The following BCL2 variants were observed in gnomAD, a reference collection of about 807,000 sequenced individuals.
BCL2 encodes apoptosis regulator Bcl-2.
A neutral mutation model predicts 14.2 loss-of-function variants in BCL2; 1 was observed. The observed-to-expected ratio is 0.07, with a 90% CI of 0.02 to 0.33. BCL2 has a LOEUF of 0.33. Ranked by LOEUF, BCL2 falls within the 10% of genes least tolerant of loss-of-function variation. The probability of loss-of-function intolerance (pLI) is 0.99; values close to 1 mark genes in which losing one functional copy is unlikely to be tolerated. For synonymous variants in BCL2, 151 were observed against 137.2 expected, an observed-to-expected ratio of 1.10 and a Z score of -0.70; for missense variants, 247 against 305.9, an observed-to-expected ratio of 0.81 and a Z score of 1.44.
chr18:63,162,627 T>G (rs1174451281), intron 2 of BCL2, among the ~76,000 whole-genome samples: 4 of 152,096 alleles, frequency 2.6e-5, no homozygotes, highest in African/African-American at 9.7e-5. Flanking sequence ...ATTTGCCTGC[T>G]TTGTGAAGAC....
At position 63,126,262 on chromosome 18, in the gene BCL2, G is replaced by GT. The variant is rs776245002; in HGVS notation, c.*2362dup. 62 of 220,148 alleles carry GT rather than the reference G, an allele frequency of 2.8e-4. No homozygotes were observed. Among genetic ancestry groups the GT allele is most frequent in the Non-Finnish European group, 4.5e-4 (49 of 109,440 alleles). 13.6% of individuals were successfully genotyped at this position (220,148 alleles called of 1,614,324 possible). A position where few individuals can be genotyped will look rare whatever the true frequency, so the allele number is the denominator to read the frequency against. ...AGGTTTCCTGCTTTCTTGGTGGAGC[G>GT]TAAGCACCACTGCATTTCAGGAAGA... On this transcript the variant is annotated 3_prime_UTR_variant, in exon 3 of 3. Transcript: ENST00000333681.
chr18:63,208,604 G>A lies in BCL2; in HGVS notation c.586-79845C>T, dbSNP rs188566473. Among the ~76,000 whole-genome samples, 24 of 152,226 alleles carry A rather than the reference G, an allele frequency of 1.6e-4. 1 individual carries two copies. The East Asian group carries it at 4.4e-3, about 28-fold the overall frequency. On this transcript the variant is annotated intron_variant, in intron 2 of 2. Transcript: ENST00000333681. ...GGATGGTGTATCTGGGGGCTGGGGG[G>A]AGTGGGGTACAGTGTATTGGGTTGA...
intron 2 of BCL2, among the ~76,000 whole-genome samples, chr18:63,154,411 C>T (rs937908416): frequency 2.6e-5 from 4 of 152,128 alleles, no homozygotes; most frequent in Non-Finnish European, 4.4e-5. Context: ...AAAGCAGTTG[C>T]GTCCCTCTCT....
chr18:63,312,027 G>C (rs942120630), intron 2 of BCL2, among the ~76,000 whole-genome samples: 3 of 152,184 alleles, frequency 2.0e-5, no homozygotes, highest in African/African-American at 7.2e-5. Context: ...CTCTGCACAG[G>C]TTAAAGTTTA....
At chr18:63,276,959 G>A (rs1599285666) in intron 2 of BCL2, among the ~76,000 whole-genome samples, 1 of 152,198 alleles carries the variant, frequency 6.6e-6, no homozygotes, top group Non-Finnish European at 1.5e-5. Context: ...TGAAAAGGGT[G>A]TTACTAAATA....
intron 2 of BCL2, chr18:63,317,648 G>A: frequency 6.8e-6 from 7 of 1,023,036 alleles, no homozygotes; most frequent in Non-Finnish European, 8.2e-6. Context: ...TGTTTCAGGG[G>A]AGCTTGTTTG....
At chr18:63,196,399 A>G (rs1458044047) in intron 2 of BCL2, among the ~76,000 whole-genome samples, 1 of 152,186 alleles carries the variant, frequency 6.6e-6, no homozygotes, top group Admixed American at 6.5e-5. Context: ...CATCAATACT[A>G]ATTAAGTATT....
At chr18:63,220,536 C>T (rs1242124821) in intron 2 of BCL2, among the ~76,000 whole-genome samples, 1 of 152,188 alleles carries the variant, frequency 6.6e-6, no homozygotes, top group Non-Finnish European at 1.5e-5. Context: ...CATATTTCCT[C>T]TAGGTTTTTC....
At chr18:63,157,532 C>T (rs979564295) in intron 2 of BCL2, among the ~76,000 whole-genome samples, 2 of 152,240 alleles carry the variant, frequency 1.3e-5, no homozygotes, top group Admixed American at 6.5e-5. Context: ...TGAAAATTAG[C>T]GTTCGCTGTT....
intron 2 of BCL2, among the ~76,000 whole-genome samples, chr18:63,293,529 G>A (rs983703941): frequency 6.6e-6 from 1 of 152,198 alleles, no homozygotes; most frequent in South Asian, 2.1e-4. Context: ...TTGTGGTAGT[G>A]TGAGTGTGGG....
intron 2 of BCL2, among the ~76,000 whole-genome samples, chr18:63,282,007 G>A (rs1387280724): frequency 6.6e-6 from 1 of 152,126 alleles, no homozygotes; most frequent in African/African-American, 2.4e-5. Context: ...GATTTCTTCT[G>A]GTCAAGACCA....
At chr18:63,272,475 G>A (rs1355903947) in intron 2 of BCL2, among the ~76,000 whole-genome samples, 1 of 151,838 alleles carries the variant, frequency 6.6e-6, no homozygotes, top group Non-Finnish European at 1.5e-5. Flanking sequence ...AAAAACTTCG[G>A]GTAAACATCC....
At chr18:63,182,863 C>T (rs1038309735) in intron 2 of BCL2, among the ~76,000 whole-genome samples, 1 of 152,152 alleles carries the variant, frequency 6.6e-6, no homozygotes, top group Non-Finnish European at 1.5e-5. Flanking sequence ...AAGATAAGAG[C>T]AACTCATTGC....
At chr18:63,153,598 G>A (rs934763093) in intron 2 of BCL2, among the ~76,000 whole-genome samples, 1 of 152,164 alleles carries the variant, frequency 6.6e-6, no homozygotes, top group Admixed American at 6.5e-5. Context: ...CTCAATACCT[G>A]TATATTATCA....
At chr18:63,178,321 A>G (rs2144638601) in intron 2 of BCL2, among the ~76,000 whole-genome samples, 1 of 152,292 alleles carries the variant, frequency 6.6e-6, no homozygotes, top group East Asian at 1.9e-4. Flanking sequence ...TTTAGAAATG[A>G]AAATGGCCCT....
At chr18:63,165,851 T>C (rs1406372021) in intron 2 of BCL2, among the ~76,000 whole-genome samples, 3 of 152,178 alleles carry the variant, frequency 2.0e-5, no homozygotes, top group Non-Finnish European at 4.4e-5. Flanking sequence ...ACAAGCTATA[T>C]GACAATGTTG....
At chr18:63,200,470 G>A (rs565870024) in intron 2 of BCL2, among the ~76,000 whole-genome samples, 62 of 152,140 alleles carry the variant, frequency 4.1e-4, no homozygotes, top group Non-Finnish European at 7.9e-4. Context: ...CTTTTGTCAG[G>A]TGTTCAAATT....
At chr18:63,261,976 C>T (rs1489032453) in intron 2 of BCL2, among the ~76,000 whole-genome samples, 1 of 152,114 alleles carries the variant, frequency 6.6e-6, no homozygotes, top group African/African-American at 2.4e-5. Flanking sequence ...GACAATGTTT[C>T]CCCATGTTGG....
chr18:63,277,417 A>G (rs921516647), intron 2 of BCL2, among the ~76,000 whole-genome samples: 1 of 151,632 alleles, frequency 6.6e-6, no homozygotes, highest in African/African-American at 2.4e-5. Context: ...AAAATCACTC[A>G]AGGTTAGGCA....
Sources: allele counts gnomAD v4.1 joint callset (sites outside exome capture counted in the v4.1 genomes callset), GRCh38; gene constraint gnomAD v4.1.1; transcripts MANE v1.5; gene names NCBI Gene and HGNC (gene_info 2026-07-23, HGNC 2026-07-21).